The following WWOX variants were observed in gnomAD, a reference collection of about 807,000 sequenced individuals.
The protein encoded by WWOX is WW domain containing oxidoreductase.
A neutral mutation model predicts 46.2 loss-of-function variants in WWOX; 69 were observed. The observed-to-expected ratio is 1.49, with a 90% confidence interval of 1.23 to 1.82. The LOEUF (loss-of-function observed/expected upper bound fraction) is 1.82, where lower values mean the gene tolerates loss of function less well. Ranked by LOEUF, WWOX falls within the 40% of genes most tolerant of loss-of-function variation. WWOX has a pLI of 0.00. For synonymous variants in WWOX, 359 were observed against 202.6 expected (o/e 1.77, Z -6.56); for missense variants, 919 against 542.6 (o/e 1.69, Z -6.89).
At chr16:78,757,750 A>T (rs2049691135) in intron 8 of WWOX, among the ~76,000 whole-genome samples, 1 of 151,744 alleles carries the variant, frequency 6.6e-6, no homozygotes, top group Admixed American at 6.6e-5. Flanking sequence ...TTTTCCTATA[A>T]ATAATCTTTC....
chr16:78,547,596 T>A (rs1374866852), intron 8 of WWOX, among the ~76,000 whole-genome samples: 1 of 152,210 alleles, frequency 6.6e-6, no homozygotes, highest in African/African-American at 2.4e-5. Context: ...AGGTGGCTTA[T>A]AAACACCTGA....
chr16:78,652,842 T>C lies in WWOX; in HGVS notation c.1056+220090T>C, dbSNP rs77873076. On this transcript the variant is annotated intron_variant, in intron 8 of 8. Transcript: ENST00000566780. ...TTATTCATCATATAAGTAAATTATATGATTGGACCCAGGCATAAAACGTGA... is the reference window on the plus strand; with the variant it reads ...TTATTCATCATATAAGTAAATTATACGATTGGACCCAGGCATAAAACGTGA... Among the ~76,000 whole-genome samples, 542 of 152,324 alleles carry C rather than the reference T, an allele frequency of 3.6e-3. 2 individuals are homozygous for C. Among genetic ancestry groups the C allele is most frequent in the African/African-American group, 0.012 (503 of 41,576 alleles).
At chr16:78,730,273 G>A (rs929539303) in intron 8 of WWOX, among the ~76,000 whole-genome samples, 1 of 151,984 alleles carries the variant, frequency 6.6e-6, no homozygotes, top group Non-Finnish European at 1.5e-5. Context: ...CAATTTTACT[G>A]TCCCATCCTT....
intron 8 of WWOX, among the ~76,000 whole-genome samples, chr16:78,913,452 C>A (rs1249308408): frequency 6.6e-6 from 1 of 151,914 alleles, no homozygotes; most frequent in Non-Finnish European, 1.5e-5. Context: ...ACGGCTCTTT[C>A]CCCTGCAGTC....
intron 8 of WWOX, among the ~76,000 whole-genome samples, chr16:78,529,259 ACTTT>A (rs1298093082): frequency 1.3e-5 from 2 of 151,936 alleles, no homozygotes; most frequent in African/African-American, 4.8e-5. Flanking sequence ...CCGACCAAGA[ACTTT>A]CTATTATATA....
At chr16:78,823,254 G>C (rs905051263) in intron 8 of WWOX, among the ~76,000 whole-genome samples, 1 of 152,234 alleles carries the variant, frequency 6.6e-6, no homozygotes, top group African/African-American at 2.4e-5. Flanking sequence ...GATGCTGGCA[G>C]ATGTTTGCAT....
At chr16:78,288,811 C>T (rs1166370656) in intron 5 of WWOX, among the ~76,000 whole-genome samples, 1 of 152,074 alleles carries the variant, frequency 6.6e-6, no homozygotes, top group African/African-American at 2.4e-5. Context: ...AGTCATTTAC[C>T]TACAAGTATC....
chr16:78,962,546 T>G (rs1032720446), intron 8 of WWOX, among the ~76,000 whole-genome samples: 30 of 152,090 alleles, frequency 2.0e-4, no homozygotes, highest in Non-Finnish European at 2.9e-4. Context: ...TTCTCTGAAA[T>G]GGTTTTCCAA....
At chr16:78,660,264 C>T (rs1407320075) in intron 8 of WWOX, among the ~76,000 whole-genome samples, 4 of 152,076 alleles carry the variant, frequency 2.6e-5, no homozygotes, top group Admixed American at 2.6e-4. Flanking sequence ...GCGGACTGGC[C>T]ACTGTGAGCC....
At chr16:79,034,553 A>G (rs527262876) in intron 8 of WWOX, among the ~76,000 whole-genome samples, 36 of 152,304 alleles carry the variant, frequency 2.4e-4, no homozygotes, top group Admixed American at 6.5e-4. Context: ...GGCTTCCCCA[A>G]TGCCCTGGGC....
chr16:78,765,425 T>C (rs1217218261), intron 8 of WWOX, among the ~76,000 whole-genome samples: 1 of 152,088 alleles, frequency 6.6e-6, no homozygotes, highest in Non-Finnish European at 1.5e-5. Flanking sequence ...ATACTTATAA[T>C]CCCAGCACTT....
intron 8 of WWOX, among the ~76,000 whole-genome samples, chr16:79,181,646 G>A (rs970311942): frequency 6.6e-6 from 1 of 152,042 alleles, no homozygotes; most frequent in African/African-American, 2.4e-5. Context: ...CCTTTGGGTG[G>A]TATCCAGTTC....
intron 7 of WWOX, 142 bp downstream of exon 7, chr16:78,425,197 C>A: frequency 8.7e-7 from 1 of 1,147,026 alleles, no homozygotes; most frequent in Non-Finnish European, 1.3e-6. Context: ...CTTAATTTTT[C>A]CAGGTCTTTT....
At chr16:78,845,178 G>T (rs1597711082) in intron 8 of WWOX, among the ~76,000 whole-genome samples, 1 of 143,864 alleles carries the variant, frequency 7.0e-6, no homozygotes. Context: ...TCTATGGACT[G>T]GTCTTAAAAA....
intron 8 of WWOX, among the ~76,000 whole-genome samples, chr16:79,006,500 G>A (rs1036830363): frequency 3.3e-5 from 5 of 151,882 alleles, no homozygotes; most frequent in African/African-American, 2.4e-5. Context: ...CCTGATCTGA[G>A]TTACGCTTTT....
At chr16:78,435,096 A>G (rs2083304317) in intron 8 of WWOX, among the ~76,000 whole-genome samples, 1 of 152,186 alleles carries the variant, frequency 6.6e-6, no homozygotes, top group Non-Finnish European at 1.5e-5. Context: ...CTGTATCATG[A>G]TATCGGAGTG....
At chr16:78,122,528 A>G (rs2033147141) in intron 4 of WWOX, among the ~76,000 whole-genome samples, 1 of 152,210 alleles carries the variant, frequency 6.6e-6, no homozygotes, top group Non-Finnish European at 1.5e-5. Flanking sequence ...AACCCAATTA[A>G]AATAATTTGA....
chr16:79,059,430 A>G (rs1374797135), intron 8 of WWOX, among the ~76,000 whole-genome samples: 4 of 152,232 alleles, frequency 2.6e-5, no homozygotes, highest in Admixed American at 2.6e-4. Context: ...ACACCTGCAT[A>G]TAAAGTAGAA....
intron 5 of WWOX, among the ~76,000 whole-genome samples, chr16:78,229,882 T>C (rs552513968): frequency 1.4e-4 from 21 of 152,222 alleles, no homozygotes; most frequent in Non-Finnish European, 2.9e-4. Flanking sequence ...TCAACATCTT[T>C]CTTTCTTTTT....
Sources: allele counts gnomAD v4.1 joint callset (sites outside exome capture counted in the v4.1 genomes callset), GRCh38; gene constraint gnomAD v4.1.1; transcripts MANE v1.5; gene names NCBI Gene and HGNC (gene_info 2026-07-23, HGNC 2026-07-21).